SNX32: variants seen among roughly 807,000 people sequenced by gnomAD.
The protein encoded by SNX32 is sorting nexin-32.
Under a neutral mutation model 57.0 loss-of-function variants are expected in SNX32, and 58 were observed. The ratio of observed to expected loss-of-function variants is 1.02; its 90% CI spans 0.82 to 1.27. SNX32 has a LOEUF of 1.27. SNX32 is among the 50% of genes most tolerant of loss of function. The probability of loss-of-function intolerance (pLI) is 0.00; values close to 1 mark genes in which losing one functional copy is unlikely to be tolerated. For missense variants in SNX32, 589 were observed against 541.2 expected (o/e 1.09, Z -0.88); for synonymous variants, 262 against 220.4 (o/e 1.19, Z -1.67).
intron 12 of SNX32, 93 bp downstream of exon 12, chr11:65,853,051 G>A (rs1859270485): frequency 7.2e-7 from 1 of 1,393,090 alleles, no homozygotes; most frequent in Admixed American, 1.7e-5. Flanking sequence ...GCATGTGAGG[G>A]TGTGCACGCA....
At chr11:65,845,975 A>C (rs80043704) in intron 1 of SNX32, among the ~76,000 whole-genome samples, 1,826 of 152,296 alleles carry the variant, frequency 0.012, 17 homozygotes, top group Non-Finnish European at 0.021. Context: ...GTTCAAGAAT[A>C]GGCAGGCCAG....
intron 1 of SNX32, among the ~76,000 whole-genome samples, chr11:65,839,223 G>GTTTGTT (rs755185237): frequency 4.3e-5 from 1 of 23,078 alleles, no homozygotes; most frequent in Non-Finnish European, 7.1e-5. Flanking sequence ...TAATTTTTTT[G>GTTTGTT]TATTTTTTTT....
intron 6 of SNX32, 46 bp downstream of exon 6, chr11:65,850,901 C>T: frequency 6.4e-7 from 1 of 1,558,658 alleles, no homozygotes; most frequent in South Asian, 1.1e-5. Context: ...CACCTCAAGT[C>T]CACAGCACAG....
rs774419925 is a variant in SNX32, at chr11:65,851,390, A to G, written c.772A>G (p.Asn258Asp). ...ALSSLGTQEVNQLRTSFLKLA... is the reference protein window; with the variant it reads ...ALSSLGTQEVDQLRTSFLKLA... ...GAGCAGTCTGGGAACACAGGAAGTCAACCAGCTAAGGACGTGAGGACTCCC... is the reference window on the plus strand; with the variant it reads ...GAGCAGTCTGGGAACACAGGAAGTCGACCAGCTAAGGACGTGAGGACTCCC... Residue 258 changes from asparagine to aspartate, a missense_variant, in exon 8 of 13, where the codon AAC (asparagine) becomes GAC (aspartate). By Grantham distance (23) the Asn-to-Asp change is conservative. Coordinates refer to ENST00000308342, the MANE Select transcript of SNX32 (RefSeq NM_152760.3). 6 of 1,614,030 alleles carry G rather than the reference A, an allele frequency of 3.7e-6. No individual in the cohort carries two copies. The highest frequency in any genetic ancestry group is 1.7e-5 in the Admixed American group (1 of 60,002).
At chr11:65,851,002 T>G in intron 6 of SNX32, 53 bp from the exon 7 acceptor site, 3 of 1,556,380 alleles carry the variant, frequency 1.9e-6, no homozygotes, top group Non-Finnish European at 2.7e-6. Context: ...GTGCCTGTGT[T>G]GTCAAGCCCC....
intron 1 of SNX32, among the ~76,000 whole-genome samples, chr11:65,836,505 T>C (rs1858672318): frequency 6.6e-6 from 1 of 152,070 alleles, no homozygotes; most frequent in Non-Finnish European, 1.5e-5. Context: ...GATCGCACCA[T>C]TGAACTCTAG....
chr11:65,850,523 A>G lies in SNX32; in HGVS notation c.467A>G (p.Asn156Ser), dbSNP rs376890873. 7 of 1,612,728 alleles carry G rather than the reference A, an allele frequency of 4.3e-6. No homozygotes were observed. The highest frequency in any genetic ancestry group is 5.9e-6 in the Non-Finnish European group (7 of 1,179,432). The change falls in exon 5 of 13, where the codon AAC becomes AGC. Residue 156 changes from asparagine (N) to serine (S), a missense_variant. Transcript: ENST00000308342. ...AAHPTLRRDH[N>S]FFVFLEYGQD... The stretch of plus-strand genomic sequence containing the variant: ...CACCCCACCCTGCGTCGAGACCACA[A>G]CTTCTTTGTGTTTTTGGAATATGGA...
intron 1 of SNX32, among the ~76,000 whole-genome samples, chr11:65,840,302 T>TA (rs963862384): frequency 6.6e-6 from 1 of 151,926 alleles, no homozygotes; most frequent in African/African-American, 2.4e-5. Flanking sequence ...TACCCTTGAT[T>TA]AAAAAAAATA....
At chr11:65,852,831 C>G (rs780523734) in intron 11 of SNX32, 42 bp downstream of exon 11, 13 of 1,613,254 alleles carry the variant, frequency 8.1e-6, no homozygotes, top group Non-Finnish European at 1.0e-5. Flanking sequence ...GCCACATGCC[C>G]TGCCCTGCCC....
At chr11:65,834,474 G>T (rs1187292025) in intron 1 of SNX32, among the ~76,000 whole-genome samples, 3 of 150,160 alleles carry the variant, frequency 2.0e-5, no homozygotes, top group Non-Finnish European at 4.4e-5. Context: ...CTGTGTGTGT[G>T]CACGTATGCG....
chr11:65,851,017 T>C, intron 6 of SNX32, 38 bp from the exon 7 acceptor site: 1 of 1,575,682 alleles, frequency 6.3e-7, no homozygotes, highest in African/African-American at 1.3e-5. Flanking sequence ...AGCCCCGTGG[T>C]GACCCAGTGT....
intron 1 of SNX32, among the ~76,000 whole-genome samples, chr11:65,842,141 A>C (rs1238205915): frequency 6.6e-6 from 1 of 152,220 alleles, no homozygotes; most frequent in Non-Finnish European, 1.5e-5. Context: ...AGTTACAGTA[A>C]TCAAGACAGT....
chr11:65,842,509 T>A (rs563480963), intron 1 of SNX32, among the ~76,000 whole-genome samples: 1 of 151,852 alleles, frequency 6.6e-6, no homozygotes, highest in African/African-American at 2.4e-5. Context: ...AAAAATTAGC[T>A]GGGCCTGGTG....
chr11:65,853,171 G>C (rs1859278524), intron 12 of SNX32, 111 bp from the exon 13 acceptor site: 20 of 1,486,938 alleles, frequency 1.3e-5, no homozygotes, highest in Non-Finnish European at 1.8e-5. Context: ...AACAGCAGCT[G>C]TTATTGCAGA....
chr11:65,838,821 A>T (rs750033241), intron 1 of SNX32, among the ~76,000 whole-genome samples: 1 of 152,160 alleles, frequency 6.6e-6, no homozygotes, highest in Non-Finnish European at 1.5e-5. Flanking sequence ...ACATAACTAG[A>T]TTCCAAAATA....
chr11:65,840,310 AT>A (rs1416320063), intron 1 of SNX32, among the ~76,000 whole-genome samples: 1 of 152,198 alleles, frequency 6.6e-6, no homozygotes, highest in East Asian at 1.9e-4. Context: ...ATTAAAAAAA[AT>A]ATCTAAAATC....
rs749226239 is a variant in SNX32 at position 65,849,971 on chromosome 11, G to A, written c.193G>A (p.Glu65Lys). The A allele has an allele frequency of 4.4e-6, 7 of 1,607,956 alleles. No homozygotes were observed. Among genetic ancestry groups the A allele is most frequent in the Admixed American group, 3.3e-5 (2 of 59,724 alleles). Residue 65 changes from glutamate to lysine, a missense_variant, in exon 3 of 13, where the codon GAG becomes AAG. Coordinates refer to ENST00000308342, the MANE Select transcript of SNX32 (RefSeq NM_152760.3). ...QTEFSVVRQHEEFIWLHDAYV... is the reference protein window; with the variant it reads ...QTEFSVVRQHKEFIWLHDAYV... ...CGAGTTCTCAGTCGTGCGGCAGCAC[G>A]AGGAGTTCATCTGGCTGCATGATGC...
chr11:65,850,622 G>C, intron 5 of SNX32, 68 bp downstream of exon 5: 1 of 1,558,716 alleles, frequency 6.4e-7, no homozygotes, highest in Non-Finnish European at 8.7e-7. Context: ...GAGGCACCCA[G>C]GGGTGGCAGG....
Position 65,839,223 on chromosome 11 carries a change from G to GTTTTTTTTTT in SNX32, c.36+5123_36+5124insTTTTTTTTTT, listed in dbSNP as rs755185237. On this transcript the variant is annotated intron_variant, in intron 1 of 12. Transcript: ENST00000308342. Reference sequence around the variant, plus strand: ...CCCACCACGCCCAGCTAATTTTTTTGTATTTTTTTTTTTTTTTTTTTTTTG... The same window carrying GTTTTTTTTTT: ...CCCACCACGCCCAGCTAATTTTTTTGTTTTTTTTTTTATTTTTTTTTTTTTTTTTTTTTTG... 9.2e-3 allele frequency among the ~76,000 whole-genome samples: 212 copies of GTTTTTTTTTT among 23,022 alleles called. 40 individuals are homozygous for GTTTTTTTTTT. Among genetic ancestry groups the GTTTTTTTTTT allele is most frequent in the South Asian group, 0.013 (6 of 480 alleles). The allele number at this position is 23,022 out of a possible 152,430, so 15.1% of individuals were successfully genotyped here. A position where few individuals can be genotyped will look rare whatever the true frequency, so the allele number is the denominator to read the frequency against.
Sources: gnomAD v4.1 joint callset for allele counts (sites outside exome capture counted in the v4.1 genomes callset) on GRCh38, gnomAD v4.1.1 for gene constraint, MANE v1.5 for transcripts, NCBI Gene and HGNC (gene_info 2026-07-23, HGNC 2026-07-21) for gene names.